CFAP47: variants seen among roughly 807,000 people sequenced by gnomAD.
CFAP47 encodes cilia and flagella associated protein 47, also known as cilia- and flagella-associated protein 47.
Under a neutral mutation model 148.1 loss-of-function variants are expected in CFAP47, and 29 were observed. The ratio of observed to expected loss-of-function variants is 0.20; its 90% CI spans 0.15 to 0.27. The LOEUF (loss-of-function observed/expected upper bound fraction) is 0.27, where lower values mean the gene tolerates loss of function less well. Ranked by LOEUF, CFAP47 falls within the 10% of genes least tolerant of loss-of-function variation. The pLI is 1.00. For synonymous variants in CFAP47, 664 were observed against 577.3 expected (o/e 1.15, Z -2.15); for missense variants, 1,872 against 1,697.5 (o/e 1.10, Z -1.81).
intron 49 of CFAP47, among the ~76,000 whole-genome samples, chrX:36,267,901 G>A (rs1456618773): frequency 8.9e-6 from 1 of 112,400 alleles, no homozygotes; most frequent in Non-Finnish European, 1.9e-5. Flanking sequence ...TTTTCTTTTC[G>A]TTTACAATTT....
Position 36,371,804 on chromosome X carries a change from A to G in CFAP47, c.9185+4677A>G, listed in dbSNP as rs868967822. ...TGTATATATGTGTGTATATACACAC[A>G]TGTATATATGTGTGCATATACACAC... On this transcript the variant is annotated intron_variant, in intron 62 of 63. Transcript: ENST00000378653. Among the ~76,000 whole-genome samples the G allele has an allele frequency of 8.4e-4, 43 of 51,105 alleles. 9 individuals are homozygous for G. The highest frequency in any genetic ancestry group is 5.1e-3 in the African/African-American group (19 of 3,691). 44.4% of individuals were successfully genotyped at this position (51,105 alleles called of 115,157 possible).
At chrX:36,371,113 T>C (rs1429792303) in intron 62 of CFAP47, among the ~76,000 whole-genome samples, 1 of 112,003 alleles carries the variant, frequency 8.9e-6, no homozygotes, top group African/African-American at 3.2e-5. Context: ...TTTATGTGCA[T>C]ATAAGTGATT....
chrX:36,120,965 A>G (rs746562170), intron 33 of CFAP47, among the ~76,000 whole-genome samples: 2 of 111,500 alleles, frequency 1.8e-5, no homozygotes, highest in Admixed American at 1.9e-4. Flanking sequence ...GGGGTGTTGA[A>G]GTCTCCAGCT....
intron 39 of CFAP47, among the ~76,000 whole-genome samples, chrX:36,172,717 A>T (rs1252066432): frequency 2.7e-5 from 3 of 111,482 alleles, no homozygotes; most frequent in Admixed American, 9.5e-5. Flanking sequence ...TTTATTGAGG[A>T]ATTTTGCAGC....
chrX:36,370,138 A>G (rs2146997231), intron 62 of CFAP47, among the ~76,000 whole-genome samples: 2 of 111,381 alleles, frequency 1.8e-5, no homozygotes, highest in South Asian at 7.6e-4. Flanking sequence ...TCTAGGGTAC[A>G]TGTGCACAAC....
At chrX:35,998,744 C>G (rs1347561453) in intron 19 of CFAP47, among the ~76,000 whole-genome samples, 1 of 111,268 alleles carries the variant, frequency 9.0e-6, no homozygotes, top group African/African-American at 3.3e-5. Flanking sequence ...TTAGCTTGTC[C>G]AAGGCTGTGG....
At chrX:36,010,729 T>C (rs751521919) in intron 21 of CFAP47, among the ~76,000 whole-genome samples, 1 of 111,908 alleles carries the variant, frequency 8.9e-6, no homozygotes, top group South Asian at 3.7e-4. Flanking sequence ...AAGTGTTTTG[T>C]CATTTTTATA....
At chrX:35,964,635 T>C (rs761914221) in intron 8 of CFAP47, among the ~76,000 whole-genome samples, 2 of 111,327 alleles carry the variant, frequency 1.8e-5, no homozygotes, top group African/African-American at 6.5e-5. Flanking sequence ...TCTGAGACTC[T>C]GTTCTTTATT....
rs775603616 is a variant in CFAP47 at position 35,975,872 on chromosome X, A to G, written c.2672A>G (p.Asn891Ser). The change falls in exon 15 of 64, where the codon AAC (asparagine) becomes AGC (serine). Residue 891 changes from asparagine to serine, a missense_variant. Physicochemically the swap from Asn to Ser is conservative, Grantham distance 46 (BLOSUM62 1). Coordinates refer to ENST00000378653, the MANE Select transcript of CFAP47 (RefSeq NM_001304548.2). ...CCAQFQWQPV[N>S]TGRGIAFSIC... ...GCTCAGTTTCAATGGCAACCCGTAA[A>G]CACAGGAAGAGGGATAGCATTTTCT... 1 of 1,210,425 alleles carries G rather than the reference A, an allele frequency of 8.3e-7. No individual in the cohort carries two copies. Among genetic ancestry groups the G allele is most frequent in the Non-Finnish European group, 1.1e-6 (1 of 894,209 alleles).
intron 8 of CFAP47, among the ~76,000 whole-genome samples, 157 bp downstream of exon 8, chrX:35,956,353 A>G (rs1173478202): frequency 8.9e-6 from 1 of 111,934 alleles, no homozygotes; most frequent in Non-Finnish European, 1.9e-5. Context: ...TGGTACTCAT[A>G]TAGAATCCAT....
At chrX:36,069,893 A>G (rs576995928) in intron 27 of CFAP47, among the ~76,000 whole-genome samples, 3 of 112,290 alleles carry the variant, frequency 2.7e-5, no homozygotes, top group African/African-American at 9.7e-5. Flanking sequence ...TTCATCTGCA[A>G]AATTCTTTTA....
intron 25 of CFAP47, among the ~76,000 whole-genome samples, chrX:36,045,879 A>G (rs1183658197): frequency 8.9e-6 from 1 of 111,991 alleles, no homozygotes; most frequent in Admixed American, 9.5e-5. Context: ...TAATGAAATG[A>G]ATATGAGAGG....
chrX:35,993,803 ATTAG>A lies in CFAP47; in HGVS notation c.3099+487_3099+490del, dbSNP rs766205510. Reference sequence around the variant, plus strand: ...AGAAGAGGGTTGCTTTTTTCAAAGCATTAGTTAGGTAGATTAGGAAAAAAATAAT... The same window carrying A: ...AGAAGAGGGTTGCTTTTTTCAAAGCATTAGGTAGATTAGGAAAAAAATAAT... On this transcript the variant is annotated intron_variant, in intron 18 of 63. Coordinates refer to ENST00000378653, the MANE Select transcript of CFAP47 (RefSeq NM_001304548.2). Among the ~76,000 whole-genome samples, 579 of 111,524 alleles carry A rather than the reference ATTAG, an allele frequency of 5.2e-3. 6 individuals carry two copies. The highest frequency in any genetic ancestry group is 0.018 in the African/African-American group (554 of 30,729).
chrX:36,251,916 A>G (rs1555998306), intron 49 of CFAP47, among the ~76,000 whole-genome samples: 1 of 111,139 alleles, frequency 9.0e-6, no homozygotes, highest in East Asian at 2.8e-4. Flanking sequence ...GTATTTATTT[A>G]TGCAGATTTC....
chrX:36,208,240 A>G (rs782069400), intron 45 of CFAP47, among the ~76,000 whole-genome samples: 39 of 111,994 alleles, frequency 3.5e-4, no homozygotes, highest in Non-Finnish European at 6.8e-4. Flanking sequence ...CTGAAATACC[A>G]GTAAATCATC....
intron 26 of CFAP47, among the ~76,000 whole-genome samples, chrX:36,053,298 T>C (rs1343673104): frequency 9.0e-6 from 1 of 111,678 alleles, no homozygotes; most frequent in East Asian, 2.8e-4. Context: ...GGAGACTCCA[T>C]TCTTAATGCA....
At chrX:36,154,363 C>G (rs1342341766) in intron 37 of CFAP47, among the ~76,000 whole-genome samples, 1 of 112,092 alleles carries the variant, frequency 8.9e-6, no homozygotes. Flanking sequence ...AGTTCTTTGT[C>G]ACTTTTTAAC....
At chrX:36,366,298 T>C (rs1280747006) in intron 61 of CFAP47, among the ~76,000 whole-genome samples, 5 of 111,766 alleles carry the variant, frequency 4.5e-5, no homozygotes, top group Non-Finnish European at 9.4e-5. Flanking sequence ...TCATCAACTC[T>C]GGCTACTGCC....
At chrX:36,058,637 G>T (rs2146746422) in intron 26 of CFAP47, among the ~76,000 whole-genome samples, 1 of 111,743 alleles carries the variant, frequency 8.9e-6, no homozygotes, top group African/African-American at 3.2e-5. Flanking sequence ...CATTATAAAA[G>T]AGATCATCTA....
Sources: gnomAD v4.1 joint callset for allele counts (sites outside exome capture counted in the v4.1 genomes callset) on GRCh38, gnomAD v4.1.1 for gene constraint, MANE v1.5 for transcripts, NCBI Gene and HGNC (gene_info 2026-07-23, HGNC 2026-07-21) for gene names.